AKR7A3: variants seen among roughly 807,000 people sequenced by gnomAD.
AKR7A3 encodes the protein aldo-keto reductase family 7 member A3.
In AKR7A3, 37 loss-of-function variants were observed where a neutral mutation model predicts 32.5. The ratio of observed to expected loss-of-function variants is 1.14; its 90% CI spans 0.88 to 1.50. The LOEUF is 1.50. AKR7A3 is among the 40% of genes most tolerant of loss of function. The pLI is 0.00. For synonymous variants in AKR7A3, 177 were observed against 188.4 expected (o/e 0.94, Z 0.50); for missense variants, 412 against 453.2 (o/e 0.91, Z 0.83).
At chr1:19,285,777 G>A (rs1213145266) in intron 3 of AKR7A3, 111 bp downstream of exon 3, 2 of 1,366,326 alleles carry the variant, frequency 1.5e-6, no homozygotes, top group Non-Finnish European at 2.1e-6. Context: ...CAGGCTTTCA[G>A]CAGGGGAGTG....
intron 1 of AKR7A3, 45 bp downstream of exon 1, chr1:19,288,451 C>T (rs756583313): frequency 1.3e-6 from 2 of 1,595,796 alleles, no homozygotes; most frequent in Non-Finnish European, 1.7e-6. Flanking sequence ...TGTGGACAGG[C>T]TCAGCTCTGC....
intron 1 of AKR7A3, among the ~76,000 whole-genome samples, chr1:19,287,485 G>A (rs533966735): frequency 6.6e-6 from 1 of 151,768 alleles, no homozygotes; most frequent in Admixed American, 6.5e-5. Context: ...GAGGCAAATG[G>A]TGCTAATACT....
intron 6 of AKR7A3, among the ~76,000 whole-genome samples, 167 bp downstream of exon 6, chr1:19,283,829 C>T (rs2093723103): frequency 6.6e-6 from 1 of 151,034 alleles, no homozygotes; most frequent in Non-Finnish European, 1.5e-5. Flanking sequence ...AGACTCTGTC[C>T]CCCCAAAAAA....
In AKR7A3 at chr1:19,287,531, A is replaced by G. The variant is rs1007161577; in HGVS notation, c.214+965T>C. ...AAACAGCTAACATTTCCCAGCCCTC[A>G]CTATGTGCCTGCCAGGCATCGGCCT... is the stretch of plus-strand genomic sequence containing the variant. On this transcript the variant is annotated intron_variant, in intron 1 of 6. Coordinates refer to ENST00000361640, the MANE Select transcript of AKR7A3 (RefSeq NM_012067.3). Among the ~76,000 whole-genome samples the G allele has an allele frequency of 4.6e-5, 7 of 152,034 alleles. No homozygotes were observed. The East Asian group carries it at 1.4e-3, about 29-fold the overall frequency.
chr1:19,277,436 GCAGCCA>G, the AKR7A3 span, among the ~76,000 whole-genome samples: 1 of 151,864 alleles, frequency 6.6e-6, no homozygotes, highest in Non-Finnish European at 1.5e-5. Context: ...TTTCTGAGAT[GCAGCCA>G]CAGTAGTGCT....
At position 19,284,135 on chromosome 1, in the gene AKR7A3, G is replaced by A. The variant is rs1335073892; in HGVS notation, c.705-10C>T. 1.2e-6 allele frequency: 2 copies of A among 1,605,716 alleles called. No individual in the cohort carries two copies. Among genetic ancestry groups the A allele is most frequent in the African/African-American group, 1.3e-5 (1 of 74,376 alleles). ...GTGCTCCTTCCAGTAGCTGGGAAGG[G>A]GGGACGGTGGCACAGGTGTCAGGGC... On this transcript the variant is annotated splice_polypyrimidine_tract_variant and intron_variant, in intron 5 of 6. Transcript: ENST00000361640.
Position 19,285,129 on chromosome 1 carries a change from G to GC in AKR7A3, c.508-16dup. 6.2e-7 allele frequency: 1 copy of GC among 1,613,312 alleles called. No homozygotes were observed. Among genetic ancestry groups the GC allele is most frequent in the Non-Finnish European group, 8.5e-7 (1 of 1,179,600 alleles). ...TTGTACATGCCCTGTAAGGAGAGGGGCCCCGGGGGAGAGGGTGGATGTGTC... is the reference window on the plus strand; with the variant it reads ...TTGTACATGCCCTGTAAGGAGAGGGGCCCCCGGGGGAGAGGGTGGATGTGTC... On this transcript the variant is annotated splice_polypyrimidine_tract_variant and intron_variant, in intron 3 of 6. Transcript: ENST00000361640.
At position 19,286,168 on chromosome 1, in the gene AKR7A3, C is replaced by T. The variant is rs772745263; in HGVS notation, c.402+17G>A. The T allele has an allele frequency of 3.7e-6, 6 of 1,611,750 alleles. No individual in the cohort carries two copies. The highest frequency in any genetic ancestry group is 1.1e-5 in the South Asian group (1 of 90,984). On this transcript the variant is annotated intron_variant, in intron 2 of 6. Coordinates refer to ENST00000361640, the MANE Select transcript of AKR7A3 (RefSeq NM_012067.3). Reference sequence around the variant, plus strand: ...AGCAGCAGTGGACCACCTCCCAGAGCTCAGGGGTCCCCTCACCTCCTGGTG... The same window carrying T: ...AGCAGCAGTGGACCACCTCCCAGAGTTCAGGGGTCCCCTCACCTCCTGGTG...
rs1038737217 is a variant in AKR7A3 at position 19,284,378 on chromosome 1, G to A, written c.705-253C>T. 5.9e-5 allele frequency among the ~76,000 whole-genome samples: 9 copies of A among 151,856 alleles called. No individual in the cohort carries two copies. The South Asian group carries it at 8.3e-4, about 14-fold the overall frequency. On this transcript the variant is annotated intron_variant, in intron 5 of 6. Coordinates refer to ENST00000361640, the MANE Select transcript of AKR7A3 (RefSeq NM_012067.3). Reference sequence around the variant, plus strand: ...TATTTTCCTTAGGGACACAAAGGCCGCTAAGATGGGTCAGGACTCAGCCCC... The same window carrying A: ...TATTTTCCTTAGGGACACAAAGGCCACTAAGATGGGTCAGGACTCAGCCCC...
rs1558130978 is a variant in AKR7A3, at chr1:19,284,046, T to TG, written c.783dup (p.Ser262GlnfsTer55). The TG allele has an allele frequency of 1.2e-6, 2 of 1,613,706 alleles. No individual in the cohort carries two copies. Among genetic ancestry groups the TG allele is most frequent in the Middle Eastern group, 1.7e-4 (1 of 6,000 alleles). Reference sequence around the variant, plus strand: ...CACCGGAGGGTGGCCGAGGTCATGCTGGGGGCGCTGGCGCCATACGCGGCC... The same window carrying TG: ...CACCGGAGGGTGGCCGAGGTCATGCTGGGGGGCGCTGGCGCCATACGCGGCC... On this transcript the variant is annotated frameshift_variant, in exon 6 of 7. Coordinates refer to ENST00000361640, the MANE Select transcript of AKR7A3 (RefSeq NM_012067.3). LOFTEE classifies it high-confidence loss of function.
the AKR7A3 span, among the ~76,000 whole-genome samples, chr1:19,277,326 G>A: frequency 8.8e-4 from 134 of 151,812 alleles, 3 homozygotes; most frequent in African/African-American, 3.1e-3. Context: ...AAATCCCCAC[G>A]TATTTGGAAA....
Position 19,286,356 on chromosome 1 carries a change from C to T in AKR7A3, c.231G>A (p.Lys77=). The change falls in exon 2 of 7, where the codon AAG becomes AAA. Residue 77 remains lysine (K), a synonymous_variant. Coordinates refer to ENST00000361640, the MANE Select transcript of AKR7A3 (RefSeq NM_012067.3). ...GSDCRVKIDT[K]AIPLFGNSLK... is the part of the protein sequence containing the mutation. Reference sequence around the variant, plus strand: ...GGGAGTTCCCAAACAGTGGAATGGCCTTGGTATCAATTTTCACTGAGAGGA... The same window carrying T: ...GGGAGTTCCCAAACAGTGGAATGGCTTTGGTATCAATTTTCACTGAGAGGA... 1.2e-6 allele frequency: 2 copies of T among 1,613,702 alleles called. No homozygotes were observed. The highest frequency in any genetic ancestry group is 1.7e-6 in the Non-Finnish European group (2 of 1,179,948).
In AKR7A3 at chr1:19,284,103, C is replaced by A. The variant is rs2093724391; in HGVS notation, c.727G>T (p.Glu243Ter). The A allele has an allele frequency of 6.2e-7, 1 of 1,612,994 alleles. No individual in the cohort carries two copies. Among genetic ancestry groups the A allele is most frequent in the African/African-American group, 1.3e-5 (1 of 74,666 alleles). The change falls in exon 6 of 7, where the codon GAG becomes TAG. Residue 243 changes from glutamate (E) to a stop codon, truncating the protein, a stop_gained. Coordinates refer to ENST00000361640, the MANE Select transcript of AKR7A3 (RefSeq NM_012067.3). LOFTEE classifies it high-confidence loss of function. Reference protein sequence around the residue: ...RNRYWKEHHFEGIALVEKALQ... With the variant: ...RNRYWKEHHF ...GCCTTCTCCACCAGGGCAATGCCCT[C>A]AAAGTGGTGCTCCTTCCAGTAGCTG...
the AKR7A3 span, among the ~76,000 whole-genome samples, chr1:19,275,370 C>G: frequency 6.6e-6 from 1 of 151,248 alleles, no homozygotes; most frequent in African/African-American, 2.4e-5. Flanking sequence ...AAGATCGCAC[C>G]ATTGCACTCC....
chr1:19,285,629 G>C (rs1469676429), intron 3 of AKR7A3, among the ~76,000 whole-genome samples: 2 of 151,592 alleles, frequency 1.3e-5, no homozygotes, highest in Non-Finnish European at 2.9e-5. Flanking sequence ...GTGGGGGAAG[G>C]GCTTGTTCCA....
the AKR7A3 span, among the ~76,000 whole-genome samples, chr1:19,276,915 A>G: frequency 1.3e-5 from 2 of 151,734 alleles, no homozygotes; most frequent in African/African-American, 4.9e-5. Flanking sequence ...GGTTCTCTAG[A>G]TCAGCCTGGC....
intron 1 of AKR7A3, 99 bp from the exon 2 acceptor site, chr1:19,286,471 G>A (rs1290897266): frequency 1.0e-5 from 13 of 1,249,060 alleles, no homozygotes; most frequent in Admixed American, 2.0e-5. Flanking sequence ...CAGAAGGTCA[G>A]GAGTTCAAGA....
chr1:19,288,499 T>C lies in AKR7A3; in HGVS notation c.211A>G (p.Arg71Gly). 1.9e-6 allele frequency: 3 copies of C among 1,610,532 alleles called. No homozygotes were observed. The highest frequency in any genetic ancestry group is 2.5e-6 in the Non-Finnish European group (3 of 1,179,362). ...LGLRLGGSDC[R>G]VKIDTKAIPL... ...GAGGATCAGGGGCCACTGTTACCTCTGCAGTCGCTGCCGCCCAGCCGGAGC... is the reference window on the plus strand; with the variant it reads ...GAGGATCAGGGGCCACTGTTACCTCCGCAGTCGCTGCCGCCCAGCCGGAGC... Residue 71 changes from arginine to glycine, a missense_variant, in exon 1 of 7, where the codon AGA (arginine) becomes GGA (glycine). Arg to Gly is a moderately radical substitution (Grantham distance 125). Coordinates refer to ENST00000361640, the MANE Select transcript of AKR7A3 (RefSeq NM_012067.3).
Position 19,284,781 on chromosome 1 carries a change from G to A in AKR7A3, c.609C>T (p.Gly203=), listed in dbSNP as rs557872393. 6.8e-6 allele frequency: 11 copies of A among 1,613,842 alleles called. No homozygotes were observed. The highest frequency in any genetic ancestry group is 1.7e-4 in the Middle Eastern group (1 of 6,060). Residue 203 remains glycine (G), a synonymous_variant, in exon 5 of 7, where the codon GGC becomes GGT. Coordinates refer to ENST00000361640, the MANE Select transcript of AKR7A3 (RefSeq NM_012067.3). The part of the protein sequence containing the change: ...RFYAFNPLAG[G]LLTGKYKYED... ...CATACTTGTACTTGCCGGTCAGCAG[G>A]CCCCCTGAGGGAAAGCAGCAATCAG...
Sources: gnomAD v4.1 joint callset for allele counts (sites outside exome capture counted in the v4.1 genomes callset) on GRCh38, gnomAD v4.1.1 for gene constraint, MANE v1.5 for transcripts, NCBI Gene and HGNC (gene_info 2026-07-23, HGNC 2026-07-21) for gene names.